Variants in LTA4H observed in about 807,000 individuals in gnomAD.
LTA4H encodes the protein leukotriene A-4 hydrolase.
Under a neutral mutation model 89.8 loss-of-function variants are expected in LTA4H, and 59 were observed. The ratio of observed to expected loss-of-function variants is 0.66; its 90% CI spans 0.53 to 0.82. The LOEUF (loss-of-function observed/expected upper bound fraction) is 0.82. Among genes scored for constraint, LTA4H ranks in the 40% least tolerant of loss-of-function variants. The probability of loss-of-function intolerance (pLI) is 0.00; values close to 1 mark genes in which losing one functional copy is unlikely to be tolerated. For synonymous variants in LTA4H, 227 were observed against 253.1 expected, an observed-to-expected ratio of 0.90 and a Z score of 0.98; for missense variants, 617 against 727.0, an observed-to-expected ratio of 0.85 and a Z score of 1.74.
intron 15 of LTA4H, among the ~76,000 whole-genome samples, chr12:96,008,257 A>C (rs1227379299): frequency 1.3e-5 from 2 of 152,220 alleles, no homozygotes; most frequent in East Asian, 3.8e-4. Context: ...AGTATTCCTA[A>C]ATCTTCTGTT....
In LTA4H at chr12:96,024,552, A is replaced by G; in HGVS notation, c.412-5T>C. ...GATTGCTCTGCAGTGGATGGCCTGA[A>G]AAAGGGAGAAACAAGAAGAAATAGC... On this transcript the variant is annotated splice_polypyrimidine_tract_variant and splice_region_variant and intron_variant, in intron 3 of 18. Coordinates refer to ENST00000228740, the MANE Select transcript of LTA4H (RefSeq NM_000895.3). 2 of 1,596,096 alleles carry G rather than the reference A, an allele frequency of 1.3e-6. No homozygotes were observed. Among genetic ancestry groups the G allele is most frequent in the Non-Finnish European group, 1.7e-6 (2 of 1,164,234 alleles).
intron 1 of LTA4H, among the ~76,000 whole-genome samples, 161 bp from the exon 2 acceptor site, chr12:96,029,346 G>A (rs1950549089): frequency 6.6e-6 from 1 of 151,882 alleles, no homozygotes; most frequent in East Asian, 1.9e-4. Flanking sequence ...TCATTTTTTG[G>A]GACTCTAAGC....
At chr12:96,032,200 G>C (rs1337207087) in intron 1 of LTA4H, among the ~76,000 whole-genome samples, 2 of 152,238 alleles carry the variant, frequency 1.3e-5, no homozygotes, top group Non-Finnish European at 2.9e-5. Flanking sequence ...TCAAACTTCA[G>C]TGTAAATAAC....
upstream of LTA4H, among the ~76,000 whole-genome samples, chr12:96,036,818 G>C (rs996235373): frequency 6.6e-6 from 1 of 152,206 alleles, no homozygotes; most frequent in Non-Finnish European, 1.5e-5. Flanking sequence ...TTGGTTTACA[G>C]TTACGCAGGC....
Position 96,009,023 on chromosome 12 carries a change from T to G in LTA4H, c.1434+71A>C, listed in dbSNP as rs1950252817. On this transcript the variant is annotated intron_variant, in intron 15 of 18. Coordinates refer to ENST00000228740, the MANE Select transcript of LTA4H (RefSeq NM_000895.3). ...TAACTGTTTGTGATTTAAAGTACCC[T>G]CCCTGCTTCATGAGTAAAGACATAT... The G allele has an allele frequency of 6.2e-6, 7 of 1,127,900 alleles. No individual in the cohort carries two copies. The South Asian group carries it at 8.8e-5, about 14-fold the overall frequency. The allele number at this position is 1,127,900 out of a possible 1,614,324, so 69.9% of individuals were successfully genotyped here. A position where few individuals can be genotyped will look rare whatever the true frequency, so the allele number is the denominator to read the frequency against.
chr12:96,037,564 G>T (rs1950658831), upstream of LTA4H, among the ~76,000 whole-genome samples: 1 of 152,172 alleles, frequency 6.6e-6, no homozygotes, highest in Admixed American at 6.5e-5. Context: ...GAAGATGGAA[G>T]CCAGAGAGTA....
chr12:96,041,797 AC>A (rs1193455691), intron 1 of LTA4H, among the ~76,000 whole-genome samples: 1 of 151,300 alleles, frequency 6.6e-6, no homozygotes, highest in East Asian at 1.9e-4. Context: ...GCCCGCCACC[AC>A]GCCCAGCTAA....
chr12:96,018,814 A>T lies in LTA4H; in HGVS notation c.801T>A (p.Pro267=). 6.2e-7 allele frequency: 1 copy of T among 1,602,580 alleles called. No homozygotes were observed. ...GGCAAGGATTCTCCATGCCACCATA[A>T]GGGAAGGATGGTGGCAGGACCAATA... ...YDLLVLPPSF[P]YGGMENPCLT... The change falls in exon 8 of 19, where the codon CCT becomes CCA. Residue 267 remains proline (P), a synonymous_variant. Coordinates refer to ENST00000228740, the MANE Select transcript of LTA4H (RefSeq NM_000895.3).
At chr12:96,024,746 G>A (rs1950494719) in intron 3 of LTA4H, among the ~76,000 whole-genome samples, 199 bp from the exon 4 acceptor site, 1 of 149,646 alleles carries the variant, frequency 6.7e-6, no homozygotes, top group Non-Finnish European at 1.5e-5. Flanking sequence ...TTGGCTCACT[G>A]CAACCTCCAC....
intron 16 of LTA4H, among the ~76,000 whole-genome samples, 156 bp downstream of exon 16, chr12:96,006,154 CAGTA>C (rs1213379482): frequency 6.6e-6 from 1 of 152,088 alleles, no homozygotes; most frequent in Non-Finnish European, 1.5e-5. Flanking sequence ...ATATAAAACA[CAGTA>C]AGCATTCAAT....
rs12308731 is a variant in LTA4H, at chr12:96,030,070, C to T, written c.160-885G>A. Among the ~76,000 whole-genome samples the T allele has an allele frequency of 1.5e-3, 229 of 152,250 alleles. 1 individual carries two copies. Among genetic ancestry groups the T allele is most frequent in the African/African-American group, 5.2e-3 (214 of 41,542 alleles). Reference sequence around the variant, plus strand: ...CTTGCTATTGAAAGGGCAGCCCCCACCCCGATCAACAAAGTCTTTTCTGTC... The same window carrying T: ...CTTGCTATTGAAAGGGCAGCCCCCATCCCGATCAACAAAGTCTTTTCTGTC... On this transcript the variant is annotated intron_variant, in intron 1 of 18. Coordinates refer to ENST00000228740, the MANE Select transcript of LTA4H (RefSeq NM_000895.3).
rs1950395297 is a variant in LTA4H, at chr12:96,017,468, T to A, written c.876+89A>T. The A allele has an allele frequency of 3.5e-6, 4 of 1,140,250 alleles. No homozygotes were observed. The Admixed American group carries it at 5.9e-5, about 17-fold the overall frequency. The allele number at this position is 1,140,250 out of a possible 1,614,324, so 70.6% of individuals were successfully genotyped here. A position where few individuals can be genotyped will look rare whatever the true frequency, so the allele number is the denominator to read the frequency against. ...CCCCAAATTGTCCATTATAACCATA[T>A]CTTTAACATAAAAATACAAGGGATA... On this transcript the variant is annotated intron_variant, in intron 9 of 18. Transcript: ENST00000228740.
At chr12:96,002,438 C>T (rs914404399) in intron 18 of LTA4H, among the ~76,000 whole-genome samples, 1 of 151,008 alleles carries the variant, frequency 6.6e-6, no homozygotes, top group African/African-American at 2.5e-5. Context: ...ATTTTTTTTT[C>T]CAGAATTTGG....
upstream of LTA4H, among the ~76,000 whole-genome samples, chr12:96,037,553 T>A (rs1950658649): frequency 6.6e-6 from 1 of 152,020 alleles, no homozygotes; most frequent in African/African-American, 2.4e-5. Flanking sequence ...GTGATTTGGT[T>A]GAAGATGGAA....
Position 96,014,953 on chromosome 12 carries a change from T to C in LTA4H, c.1106A>G (p.Asp369Gly). Residue 369 changes from aspartate to glycine, a missense_variant, in exon 12 of 19, where the codon GAT becomes GGT. By Grantham distance (94) the Asp-to-Gly change is moderately conservative (BLOSUM62 -1). This residue lies in a region of LTA4H where 290 missense variants were observed against 339.1 expected (regional missense o/e 0.86). Coordinates refer to ENST00000228740, the MANE Select transcript of LTA4H (RefSeq NM_000895.3). ...TACATCAGGGTCTATATCTGTCAGATCAACCACAAGTTTGGTGAAAGGATG... is the reference window on the plus strand; with the variant it reads ...TACATCAGGGTCTATATCTGTCAGACCAACCACAAGTTTGGTGAAAGGATG... ...ETHPFTKLVV[D>G]LTDIDPDVAY... is the part of the protein sequence containing the mutation. 1 of 1,613,524 alleles carries C rather than the reference T, an allele frequency of 6.2e-7. No individual in the cohort carries two copies. The highest frequency in any genetic ancestry group is 1.1e-5 in the South Asian group (1 of 90,860).
In LTA4H at chr12:96,015,371, A is replaced by G. The variant is rs545838976; in HGVS notation, c.1059+212T>C. ...TAGCAAAGACCCAGTGAGGTCCCAC[A>G]GCTCCCTATTTAGACCAGGTCATCA... On this transcript the variant is annotated intron_variant, in intron 11 of 18. Coordinates refer to ENST00000228740, the MANE Select transcript of LTA4H (RefSeq NM_000895.3). 7.9e-5 allele frequency among the ~76,000 whole-genome samples: 12 copies of G among 152,368 alleles called. No homozygotes were observed. In the South Asian group the frequency reaches 2.1e-3, roughly 26 times the overall value.
At chr12:96,029,243 T>A in intron 1 of LTA4H, 58 bp from the exon 2 acceptor site, 1 of 975,826 alleles carries the variant, frequency 1.0e-6, no homozygotes, top group Non-Finnish European at 1.5e-6. Context: ...AAAAAACTCA[T>A]ATTAGATATA....
At chr12:96,041,792 C>A (rs1566022045) in intron 1 of LTA4H, among the ~76,000 whole-genome samples, 2 of 151,874 alleles carry the variant, frequency 1.3e-5, no homozygotes, top group Non-Finnish European at 2.9e-5. Flanking sequence ...CAGGCGCCCG[C>A]CACCACGCCC....
chr12:96,003,119 A>ATGACAGGTAT (rs1431720680), intron 17 of LTA4H, 55 bp from the exon 18 acceptor site: 56 of 1,088,572 alleles, frequency 5.1e-5, no homozygotes, highest in Non-Finnish European at 7.7e-5. Context: ...GGGGCAGGAT[A>ATGACAGGTAT]TGACAGGTAT....
Sources: gnomAD v4.1 joint callset for allele counts (sites outside exome capture counted in the v4.1 genomes callset) on GRCh38, gnomAD v4.1.1 for gene constraint, gnomAD v4.1.1 regional missense constraint, MANE v1.5 for transcripts, NCBI Gene and HGNC (gene_info 2026-07-23, HGNC 2026-07-21) for gene names.